Variants in NELL2 observed in about 807,000 individuals in gnomAD.
The protein encoded by NELL2 is protein kinase C-binding protein NELL2.
NELL2 carries 41 observed loss-of-function variants against 109.6 expected under a neutral mutation model. The ratio of observed to expected loss-of-function variants is 0.37; its 90% CI spans 0.29 to 0.49. The LOEUF is 0.49. Ranked by LOEUF, NELL2 falls within the 20% of genes least tolerant of loss-of-function variation. NELL2 has a pLI of 0.98. For missense variants in NELL2, 900 were observed against 1,008.3 expected (o/e 0.89, Z 1.45); for synonymous variants, 355 against 344.7 (o/e 1.03, Z -0.33).
intron 9 of NELL2, among the ~76,000 whole-genome samples, chr12:44,735,547 G>T (rs1939596195): frequency 6.6e-6 from 1 of 152,120 alleles, no homozygotes; most frequent in African/African-American, 2.4e-5. Flanking sequence ...TGTGATGAGG[G>T]TCTGTTGAAT....
At chr12:44,816,984 G>A (rs548771922) in intron 2 of NELL2, among the ~76,000 whole-genome samples, 3 of 152,356 alleles carry the variant, frequency 2.0e-5, no homozygotes, top group Non-Finnish European at 2.9e-5. Context: ...AAAGAAGATT[G>A]ACGAGAGATA....
chr12:44,599,965 T>TG lies in NELL2; in HGVS notation c.1663+7203_1663+7204insC, dbSNP rs1945139633. Among the ~76,000 whole-genome samples, 7 of 144,794 alleles carry TG rather than the reference T, an allele frequency of 4.8e-5. No individual in the cohort carries two copies. In the South Asian group the frequency reaches 1.6e-3, roughly 33 times the overall value. 95.0% of individuals were successfully genotyped at this position (144,794 alleles called of 152,430 possible). A position where few individuals can be genotyped will look rare whatever the true frequency, so the allele number is the denominator to read the frequency against. ...TAGGGAAAACCTAGAATTCCGTTTT[T>TG]TTTTTTTTTTTTTTGAGATGGAGTC... is the stretch of plus-strand genomic sequence containing the variant. On this transcript the variant is annotated intron_variant, in intron 15 of 19. Transcript: ENST00000429094.
At chr12:44,817,236 A>C (rs1439553518) in intron 2 of NELL2, among the ~76,000 whole-genome samples, 1 of 152,200 alleles carries the variant, frequency 6.6e-6, no homozygotes, top group African/African-American at 2.4e-5. Flanking sequence ...TTCCCAGGGA[A>C]GCAATGCAGC....
At chr12:44,714,795 A>G (rs1938399451) in intron 9 of NELL2, 54 bp from the exon 10 acceptor site, 10 of 1,177,360 alleles carry the variant, frequency 8.5e-6, no homozygotes, top group Non-Finnish European at 9.7e-6. Context: ...ATAGCTTAGA[A>G]GGGATCAGAT....
chr12:44,680,568 T>A (rs1238277374), intron 12 of NELL2, among the ~76,000 whole-genome samples: 1 of 152,148 alleles, frequency 6.6e-6, no homozygotes, highest in Non-Finnish European at 1.5e-5. Context: ...TTTTATATCA[T>A]ACCAATGAAC....
chr12:44,635,370 T>C (rs1482960894), intron 13 of NELL2, among the ~76,000 whole-genome samples: 1 of 152,210 alleles, frequency 6.6e-6, no homozygotes, highest in African/African-American at 2.4e-5. Context: ...GCCTATGTCC[T>C]GAATGGTATT....
intron 9 of NELL2, among the ~76,000 whole-genome samples, chr12:44,725,801 A>C (rs1480633696): frequency 6.6e-6 from 1 of 152,200 alleles, no homozygotes; most frequent in East Asian, 1.9e-4. Flanking sequence ...CTAAACGATA[A>C]GAACTTATGA....
At chr12:44,767,694 T>C (rs1941391808) in intron 9 of NELL2, among the ~76,000 whole-genome samples, 1 of 152,172 alleles carries the variant, frequency 6.6e-6, no homozygotes, top group Non-Finnish European at 1.5e-5. Flanking sequence ...ATGCAACTAT[T>C]TTTATTTAAT....
chr12:44,743,032 T>C (rs1194012257), intron 9 of NELL2, among the ~76,000 whole-genome samples: 3 of 151,130 alleles, frequency 2.0e-5, no homozygotes, highest in African/African-American at 4.9e-5. Context: ...AAGGAAAAAA[T>C]GTTAAGGGCA....
chr12:44,604,054 A>C (rs1361475047), intron 15 of NELL2, among the ~76,000 whole-genome samples: 1 of 152,116 alleles, frequency 6.6e-6, no homozygotes, highest in Non-Finnish European at 1.5e-5. Flanking sequence ...GCAGAGAAAA[A>C]CTGCCACAGT....
upstream of NELL2, among the ~76,000 whole-genome samples, chr12:44,916,661 C>T (rs1945831336): frequency 6.6e-6 from 1 of 152,094 alleles, no homozygotes; most frequent in Admixed American, 6.5e-5. Context: ...AACAATTTTC[C>T]TGGAAGAGAT....
intron 12 of NELL2, among the ~76,000 whole-genome samples, chr12:44,673,135 G>T (rs1331987840): frequency 1.3e-5 from 2 of 151,938 alleles, no homozygotes; most frequent in East Asian, 3.9e-4. Context: ...TGCCTTTTTT[G>T]ATTTCTCACG....
intron 16 of NELL2, among the ~76,000 whole-genome samples, chr12:44,528,056 T>TCACTG (rs1294293554): frequency 2.0e-4 from 23 of 114,818 alleles, no homozygotes; most frequent in Admixed American, 4.0e-4. Flanking sequence ...CGAGATCGCC[T>TCACTG]CACTGCACTC....
At chr12:44,654,760 A>G (rs1947433641) in intron 13 of NELL2, among the ~76,000 whole-genome samples, 1 of 152,084 alleles carries the variant, frequency 6.6e-6, no homozygotes, top group South Asian at 2.1e-4. Context: ...CTGCAGAGGC[A>G]CCGCGGGCTG....
chr12:44,723,760 C>A (rs143809133), intron 9 of NELL2, among the ~76,000 whole-genome samples: 1 of 152,006 alleles, frequency 6.6e-6, no homozygotes, highest in Non-Finnish European at 1.5e-5. Context: ...TTCAGGGTAC[C>A]TTTTTTAAGG....
At chr12:44,746,666 G>C (rs888117145) in intron 9 of NELL2, among the ~76,000 whole-genome samples, 21 of 152,132 alleles carry the variant, frequency 1.4e-4, no homozygotes, top group Admixed American at 3.9e-4. Flanking sequence ...CTCAAAAGAA[G>C]ACATTTATGC....
At chr12:44,615,646 A>G (rs956151238) in intron 13 of NELL2, among the ~76,000 whole-genome samples, 1 of 151,984 alleles carries the variant, frequency 6.6e-6, no homozygotes, top group African/African-American at 2.4e-5. Flanking sequence ...GTTCTTCTTT[A>G]TAATTATCCA....
chr12:44,596,888 T>C (rs891130998), intron 15 of NELL2, among the ~76,000 whole-genome samples: 6 of 152,220 alleles, frequency 3.9e-5, no homozygotes, highest in African/African-American at 1.2e-4. Context: ...TTAACCATCA[T>C]GCTGCACTGC....
rs1367849185 is a variant in NELL2 at position 44,779,698 on chromosome 12, G to A, written c.571C>T (p.Leu191=). The A allele has an allele frequency of 6.2e-7, 1 of 1,613,904 alleles. No individual in the cohort carries two copies. ...CCATGCGCATTATTTCTCTGTCCTAGCCAAAATGTTGTGCCTAGAGGCAAG... is the reference window on the plus strand; with the variant it reads ...CCATGCGCATTATTTCTCTGTCCTAACCAAAATGTTGTGCCTAGAGGCAAG... ...TDLPLGTTFW[L]GQRNNAHGYF... The change falls in exon 5 of 20, where the codon CTA becomes TTA. Residue 191 remains leucine (L), a synonymous_variant. Coordinates refer to ENST00000429094, the MANE Select transcript of NELL2 (RefSeq NM_001145108.2).
Sources: allele counts gnomAD v4.1 joint callset (sites outside exome capture counted in the v4.1 genomes callset), GRCh38; gene constraint gnomAD v4.1.1; transcripts MANE v1.5; gene names NCBI Gene and HGNC (gene_info 2026-07-23, HGNC 2026-07-21).